Variants in ACO1 observed in about 807,000 individuals in gnomAD.
The protein encoded by ACO1 is aconitase 1, also known as cytoplasmic aconitate hydratase.
A neutral mutation model predicts 105.1 loss-of-function variants in ACO1; 78 were observed. The observed-to-expected ratio is 0.74, with a 90% CI of 0.62 to 0.90. The LOEUF is 0.90. Ranked by LOEUF, ACO1 falls within the 40% of genes least tolerant of loss-of-function variation. ACO1 has a pLI of 0.00. For missense variants in ACO1, 965 were observed against 1,111.1 expected (o/e 0.87, Z 1.87); for synonymous variants, 364 against 397.4 (o/e 0.92, Z 1.00).
chr9:32,442,937 G>GCAAT (rs754270741), intron 19 of ACO1, among the ~76,000 whole-genome samples: 5 of 152,174 alleles, frequency 3.3e-5, no homozygotes, highest in Non-Finnish European at 5.9e-5. Flanking sequence ...TACATTATGA[G>GCAAT]CAATCAGTGA....
In ACO1 at chr9:32,450,816, G is replaced by C. The variant is rs1223594697; in HGVS notation, c.*705G>C. The C allele has an allele frequency of 1.3e-5, 2 of 152,174 alleles. No homozygotes were observed. Among genetic ancestry groups the C allele is most frequent in the African/African-American group, 4.8e-5 (2 of 41,420 alleles). 9.4% of individuals were successfully genotyped at this position (152,174 alleles called of 1,614,324 possible). ...AACACATTTCTAATTTGAATGAAAT[G>C]AAATCTATTTTCAGTGAAAACTTGT... On this transcript the variant is annotated 3_prime_UTR_variant, in exon 21 of 21. Transcript: ENST00000309951.
chr9:32,397,348 A>G (rs1268723686), intron 1 of ACO1, among the ~76,000 whole-genome samples: 1 of 152,216 alleles, frequency 6.6e-6, no homozygotes, highest in Non-Finnish European at 1.5e-5. Flanking sequence ...TGTTTTATGA[A>G]CAGCTAAAAG....
intron 18 of ACO1, among the ~76,000 whole-genome samples, chr9:32,438,684 A>C (rs1822414721): frequency 6.6e-6 from 1 of 152,252 alleles, no homozygotes; most frequent in African/African-American, 2.4e-5. Flanking sequence ...TACTGACTCC[A>C]GTGAAACATG....
chr9:32,429,581 A>G, intron 13 of ACO1, 78 bp downstream of exon 13: 5 of 1,265,874 alleles, frequency 3.9e-6, no homozygotes, highest in Non-Finnish European at 5.7e-6. Context: ...TGATATTTTC[A>G]AGAAGGTCCA....
At chr9:32,408,300 C>G (rs911136480) in intron 3 of ACO1, among the ~76,000 whole-genome samples, 1 of 152,308 alleles carries the variant, frequency 6.6e-6, no homozygotes, top group East Asian at 1.9e-4. Context: ...TAACATTGTA[C>G]ATAGAGATAC....
rs139224341 is a variant in ACO1 at position 32,407,369 on chromosome 9, C to T, written c.206C>T (p.Thr69Met). The T allele has an allele frequency of 1.1e-4, 183 of 1,614,082 alleles. No homozygotes were observed. Among genetic ancestry groups the T allele is most frequent in the Middle Eastern group, 8.2e-4 (5 of 6,062 alleles). Residue 69 changes from threonine (T) to methionine (M), a missense_variant, in exon 3 of 21, where the codon ACG becomes ATG. Thr to Met is a moderately conservative substitution (Grantham distance 81). Transcript: ENST00000309951. ...DIENILHWNV[T>M]QHKNIEVPFK... ...GAAAATATTCTACATTGGAATGTCA[C>T]GCAGCACAAGAACATAGAAGTGCCA...
intron 13 of ACO1, 47 bp from the exon 14 acceptor site, chr9:32,430,371 C>T: frequency 1.3e-6 from 2 of 1,567,904 alleles, no homozygotes; most frequent in Non-Finnish European, 8.7e-7. Flanking sequence ...GACAAGAAGC[C>T]TAGTCAGTAT....
At position 32,436,405 on chromosome 9, in the gene ACO1, T is replaced by G. The variant is rs192993363; in HGVS notation, c.2247+8T>G. The G allele has an allele frequency of 2.7e-5, 43 of 1,613,472 alleles. No homozygotes were observed. Among genetic ancestry groups the G allele is most frequent in the Non-Finnish European group, 3.6e-5 (43 of 1,179,640 alleles). ...CTGCCTTCTGGGGAAATCGTGAGTA[T>G]TGTCTTCTGCTTCCTGCAGACACTA... On this transcript the variant is annotated splice_region_variant and intron_variant, in intron 18 of 20. Coordinates refer to ENST00000309951, the MANE Select transcript of ACO1 (RefSeq NM_002197.3).
In ACO1 at chr9:32,421,458, A is replaced by G. The variant is rs9695206; in HGVS notation, c.970+431A>G. The stretch of plus-strand genomic sequence containing the variant: ...GAGGAGCAGAGAAGTGTTCATACCC[A>G]AGGCTAATAAACAGCAGAGTCAGAA... On this transcript the variant is annotated intron_variant, in intron 8 of 20. Coordinates refer to ENST00000309951, the MANE Select transcript of ACO1 (RefSeq NM_002197.3). 1.4e-3 allele frequency among the ~76,000 whole-genome samples: 215 copies of G among 152,292 alleles called. 1 individual carries two copies. The highest frequency in any genetic ancestry group is 5.1e-3 in the African/African-American group (210 of 41,556).
At chr9:32,387,613 A>C (rs1821181567) in intron 1 of ACO1, among the ~76,000 whole-genome samples, 1 of 152,190 alleles carries the variant, frequency 6.6e-6, no homozygotes, top group African/African-American at 2.4e-5. Flanking sequence ...TTTGATAAGG[A>C]AAAAAATCTG....
At position 32,434,584 on chromosome 9, in the gene ACO1, C is replaced by G; in HGVS notation, c.1982C>G (p.Ser661Cys). 6.2e-7 allele frequency: 1 copy of G among 1,614,118 alleles called. No homozygotes were observed. Among genetic ancestry groups the G allele is most frequent in the Non-Finnish European group, 8.5e-7 (1 of 1,179,966 alleles). ...NLTLDLQPPK[S>C]IVDAYVLLNL... ...ACTTTGGATCTTCAGCCCCCTAAAT[C>G]TATAGTGGATGCCTATGTGCTGCTA... is the stretch of plus-strand genomic sequence containing the variant. The change falls in exon 17 of 21, where the codon TCT becomes TGT. Residue 661 changes from serine to cysteine, a missense_variant. Physicochemically the swap from Ser to Cys is moderately radical, Grantham distance 112. Transcript: ENST00000309951.
At chr9:32,393,788 CAG>C (rs909866184) in intron 1 of ACO1, among the ~76,000 whole-genome samples, 18 of 152,170 alleles carry the variant, frequency 1.2e-4, no homozygotes, top group Admixed American at 8.5e-4. Flanking sequence ...CGTGAAATAT[CAG>C]GGGTGAATTT....
intron 19 of ACO1, among the ~76,000 whole-genome samples, chr9:32,443,254 C>T (rs550033530): frequency 6.6e-6 from 1 of 152,032 alleles, no homozygotes; most frequent in South Asian, 2.1e-4. Context: ...ATGTAATTCC[C>T]TTAGAGTACA....
intron 1 of ACO1, among the ~76,000 whole-genome samples, chr9:32,396,528 G>A (rs1462403323): frequency 6.6e-6 from 1 of 152,064 alleles, no homozygotes; most frequent in Non-Finnish European, 1.5e-5. Flanking sequence ...GACCCACCAG[G>A]CATGCCACCA....
chr9:32,391,940 TTA>T (rs61119412), intron 1 of ACO1, among the ~76,000 whole-genome samples: 5,968 of 152,274 alleles, frequency 0.039, 320 homozygotes, highest in African/African-American at 0.12. Context: ...TTTAAGGATG[TTA>T]TGTTTCATAA....
intron 18 of ACO1, among the ~76,000 whole-genome samples, chr9:32,436,910 T>A (rs113801068): frequency 1.4e-4 from 21 of 152,290 alleles, no homozygotes; most frequent in African/African-American, 5.1e-4. Context: ...CTCTGAGCCT[T>A]GCTTTTCTCA....
At chr9:32,447,074 G>C (rs1822629760) in intron 19 of ACO1, among the ~76,000 whole-genome samples, 1 of 151,870 alleles carries the variant, frequency 6.6e-6, no homozygotes, top group African/African-American at 2.4e-5. Context: ...GAGTATCTTT[G>C]TGGTGTTCCA....
rs762357855 is a variant in ACO1, at chr9:32,433,832, G to A, written c.1956G>A (p.Leu652=). ...AATCACCACCATTCTTTGAAAACCT[G>A]GTATGGCTTTTTATTTTTTAACAAA... ...YIKSPPFFEN[L]TLDLQPPKSI... The change falls in exon 16 of 21, where the codon CTG becomes CTA. Residue 652 remains leucine, a splice_region_variant and synonymous_variant. Coordinates refer to ENST00000309951, the MANE Select transcript of ACO1 (RefSeq NM_002197.3). The A allele has an allele frequency of 5.0e-6, 8 of 1,585,876 alleles. No homozygotes were observed. The highest frequency in any genetic ancestry group is 6.9e-6 in the Non-Finnish European group (8 of 1,167,634).
At chr9:32,425,369 T>G (rs1361295452) in intron 10 of ACO1, among the ~76,000 whole-genome samples, 3 of 152,232 alleles carry the variant, frequency 2.0e-5, no homozygotes, top group African/African-American at 7.2e-5. Context: ...TCAGCTGTAC[T>G]TTGTTTGCGT....
Sources: gnomAD v4.1 joint callset for allele counts (sites outside exome capture counted in the v4.1 genomes callset) on GRCh38, gnomAD v4.1.1 for gene constraint, MANE v1.5 for transcripts, NCBI Gene and HGNC (gene_info 2026-07-23, HGNC 2026-07-21) for gene names.